FAM13C: variants seen among roughly 807,000 people sequenced by gnomAD.
The protein encoded by FAM13C is family with sequence similarity 13 member C.
FAM13C carries 37 observed loss-of-function variants against 73.2 expected under a neutral mutation model. That is an observed-to-expected ratio of 0.51 (90% CI 0.39 to 0.67). The LOEUF is 0.67. FAM13C is among the 30% of genes least tolerant of loss of function. The probability of loss-of-function intolerance (pLI) is 0.00; values close to 1 mark genes in which losing one functional copy is unlikely to be tolerated. For synonymous variants in FAM13C, 246 were observed against 260.9 expected, an observed-to-expected ratio of 0.94 and a Z score of 0.55; for missense variants, 589 against 715.6, an observed-to-expected ratio of 0.82 and a Z score of 2.02.
intron 3 of FAM13C, among the ~76,000 whole-genome samples, chr10:59,346,626 C>A (rs549802359): frequency 2.6e-5 from 4 of 152,220 alleles, no homozygotes; most frequent in African/African-American, 9.6e-5. Flanking sequence ...CCAGATGGCA[C>A]GGAGTGGGGA....
intron 4 of FAM13C, among the ~76,000 whole-genome samples, chr10:59,322,301 A>T (rs944003711): frequency 1.1e-4 from 16 of 152,340 alleles, no homozygotes; most frequent in African/African-American, 3.8e-4. Flanking sequence ...AGTACTAGAC[A>T]TAACTGCCCT....
In FAM13C at chr10:59,337,075, A is replaced by G. The variant is rs73299257; in HGVS notation, c.325-12969T>C. Among the ~76,000 whole-genome samples the G allele has an allele frequency of 5.9e-3, 895 of 152,352 alleles. 14 individuals are homozygous for G. The highest frequency in any genetic ancestry group is 0.021 in the African/African-American group (870 of 41,580). Reference sequence around the variant, plus strand: ...AACTCCCATTTTACTACTTGAGCCAAAAATCATCTCTTGTGTGAACTTTTC... The same window carrying G: ...AACTCCCATTTTACTACTTGAGCCAGAAATCATCTCTTGTGTGAACTTTTC... On this transcript the variant is annotated intron_variant, in intron 3 of 13. Coordinates refer to ENST00000618804, the MANE Select transcript of FAM13C (RefSeq NM_198215.4).
Position 59,247,698 on chromosome 10 carries a change from C to G in FAM13C, c.1674G>C (p.Glu558Asp), listed in dbSNP as rs1194263007. 2 of 1,613,166 alleles carry G rather than the reference C, an allele frequency of 1.2e-6. No homozygotes were observed. The highest frequency in any genetic ancestry group is 2.2e-5 in the East Asian group (1 of 44,790). ...QKEDRIPMADEYYEYKHIKAK... is the reference protein window; with the variant it reads ...QKEDRIPMADDYYEYKHIKAK... ...CTTTTATGTGCTTATATTCATAATA[C>G]TCATCTGCCATTGGTATCCTATCTT... The change falls in exon 14 of 14, where the codon GAG (glutamate) becomes GAC (aspartate). Residue 558 changes from glutamate (E) to aspartate (D), a missense_variant. Physicochemically the swap from Glu to Asp is conservative, Grantham distance 45. Transcript: ENST00000618804.
intron 5 of FAM13C, among the ~76,000 whole-genome samples, chr10:59,287,366 AG>A: frequency 7.5e-6 from 1 of 132,806 alleles, no homozygotes. Flanking sequence ...AAAAAAAAAA[AG>A]TTAAATGGTA....
chr10:59,316,965 A>T (rs1292753820), intron 4 of FAM13C, among the ~76,000 whole-genome samples: 1 of 152,224 alleles, frequency 6.6e-6, no homozygotes, highest in Admixed American at 6.5e-5. Flanking sequence ...GTAATTATGT[A>T]TAATATATTC....
chr10:59,339,165 G>A (rs77813002), intron 3 of FAM13C, among the ~76,000 whole-genome samples: 3,808 of 152,096 alleles, frequency 0.025, 169 homozygotes, highest in African/African-American at 0.087. Context: ...GACACCAGGC[G>A]TTGGCTTTAG....
intron 6 of FAM13C, among the ~76,000 whole-genome samples, chr10:59,275,072 A>G (rs1184796626): frequency 6.6e-6 from 1 of 152,234 alleles, no homozygotes; most frequent in Non-Finnish European, 1.5e-5. Flanking sequence ...TATTAAGATG[A>G]CAAAAGCTAT....
chr10:59,292,124 T>C (rs866417215), intron 5 of FAM13C, among the ~76,000 whole-genome samples: 12 of 152,324 alleles, frequency 7.9e-5, no homozygotes, highest in Middle Eastern at 6.8e-3. Context: ...TCTGAGCTTT[T>C]CTAGATAATA....
intron 6 of FAM13C, among the ~76,000 whole-genome samples, chr10:59,276,606 G>A (rs887575684): frequency 1.3e-5 from 2 of 152,158 alleles, no homozygotes; most frequent in Admixed American, 6.6e-5. Context: ...CTATCTTTCT[G>A]AGCTAGGCAG....
intron 1 of FAM13C, among the ~76,000 whole-genome samples, chr10:59,357,841 C>T (rs11006447): frequency 0.1 from 15,561 of 152,076 alleles, 1,211 homozygotes; most frequent in African/African-American, 0.22. Context: ...ATGTAATCAG[C>T]AGACAAAAAT....
intron 3 of FAM13C, among the ~76,000 whole-genome samples, chr10:59,349,436 A>G (rs991769021): frequency 1.2e-4 from 19 of 152,196 alleles, no homozygotes; most frequent in African/African-American, 4.3e-4. Context: ...GCTTCATGAT[A>G]CCACTAGCCC....
At chr10:59,341,962 G>C (rs1419944358) in intron 3 of FAM13C, among the ~76,000 whole-genome samples, 1 of 152,144 alleles carries the variant, frequency 6.6e-6, no homozygotes, top group Non-Finnish European at 1.5e-5. Context: ...CAAAGCCACA[G>C]TGTTCTGGCT....
At chr10:59,284,555 CT>C (rs972257141) in intron 5 of FAM13C, among the ~76,000 whole-genome samples, 2 of 151,558 alleles carry the variant, frequency 1.3e-5, no homozygotes, top group African/African-American at 2.4e-5. Context: ...AGCCCCACCC[CT>C]GCCACATACA....
At chr10:59,305,246 T>C (rs1431512745) in intron 4 of FAM13C, among the ~76,000 whole-genome samples, 1 of 152,138 alleles carries the variant, frequency 6.6e-6, no homozygotes, top group South Asian at 2.1e-4. Context: ...AAAAACAAAA[T>C]ACACAAAACT....
intron 10 of FAM13C, among the ~76,000 whole-genome samples, chr10:59,255,198 T>C (rs1454320188): frequency 6.6e-6 from 1 of 152,354 alleles, no homozygotes; most frequent in Non-Finnish European, 1.5e-5. Context: ...GGCTGTGATA[T>C]CAACTAAATT....
chr10:59,324,079 A>T lies in FAM13C; in HGVS notation c.352T>A (p.Ser118Thr). ...GTTCCTGCTCTCACCTGACACTCTG[A>T]CTGGCTGGATACCACATGCTCTGTC... ...QETEHVVSSQ[S>T]ECQVRAGTPA... Residue 118 changes from serine to threonine, a missense_variant, in exon 4 of 14, where the codon TCA (serine) becomes ACA (threonine). Transcript: ENST00000618804. The T allele has an allele frequency of 6.2e-7, 1 of 1,613,986 alleles. No individual in the cohort carries two copies.
At chr10:59,310,950 G>A (rs778226214) in intron 4 of FAM13C, among the ~76,000 whole-genome samples, 7 of 152,156 alleles carry the variant, frequency 4.6e-5, no homozygotes, top group Non-Finnish European at 8.8e-5. Flanking sequence ...TATCCTAAAG[G>A]TCCAAGTGCA....
chr10:59,275,260 C>G (rs918874984), intron 6 of FAM13C, among the ~76,000 whole-genome samples: 1 of 152,162 alleles, frequency 6.6e-6, no homozygotes, highest in Non-Finnish European at 1.5e-5. Context: ...AATGATTCAT[C>G]TCAAGTGGCA....
At chr10:59,260,543 G>C (rs774792136) in intron 10 of FAM13C, among the ~76,000 whole-genome samples, 1 of 151,964 alleles carries the variant, frequency 6.6e-6, no homozygotes, top group Non-Finnish European at 1.5e-5. Flanking sequence ...TCACCTCTTG[G>C]CCTTCCTAAT....
Sources: allele counts gnomAD v4.1 joint callset (sites outside exome capture counted in the v4.1 genomes callset), GRCh38; gene constraint gnomAD v4.1.1; transcripts MANE v1.5; gene names NCBI Gene and HGNC (gene_info 2026-07-23, HGNC 2026-07-21).